Variants in PHACTR4 observed in about 807,000 individuals in gnomAD.
The protein encoded by PHACTR4 is phosphatase and actin regulator 4.
PHACTR4 carries 51 observed loss-of-function variants against 72.7 expected under a neutral mutation model. That is an observed-to-expected ratio of 0.70 (90% confidence interval 0.56 to 0.89). PHACTR4 has a LOEUF of 0.89. PHACTR4 is among the 40% of genes least tolerant of loss of function. PHACTR4 has a pLI of 0.00. For synonymous variants in PHACTR4, 255 were observed against 302.5 expected (o/e 0.84, Z 1.63); for missense variants, 731 against 861.8 (o/e 0.85, Z 1.90).
At chr1:28,461,148 A>T (rs548916734) in intron 4 of PHACTR4, among the ~76,000 whole-genome samples, 1 of 151,916 alleles carries the variant, frequency 6.6e-6, no homozygotes, top group African/African-American at 2.4e-5. Context: ...TGAAAGCCAT[A>T]TTGTATACTG....
chr1:28,422,502 C>A (rs957843471), intron 2 of PHACTR4: 1 of 152,156 alleles, frequency 6.6e-6, no homozygotes, highest in African/African-American at 2.4e-5. Flanking sequence ...ACAAATCCCC[C>A]TTGGATACTG....
intron 2 of PHACTR4, among the ~76,000 whole-genome samples, chr1:28,431,689 C>T (rs1188469131): frequency 1.3e-5 from 2 of 152,160 alleles, no homozygotes; most frequent in African/African-American, 4.8e-5. Flanking sequence ...TCCACATCTT[C>T]TGGATGGAAC....
intron 2 of PHACTR4, among the ~76,000 whole-genome samples, chr1:28,430,943 C>T (rs971514377): frequency 3.3e-5 from 5 of 151,740 alleles, no homozygotes; most frequent in African/African-American, 1.2e-4. Context: ...TTTGGGAGGC[C>T]GAGGCAGGCG....
chr1:28,429,802 G>A (rs1268433384), intron 2 of PHACTR4, among the ~76,000 whole-genome samples: 1 of 152,144 alleles, frequency 6.6e-6, no homozygotes, highest in Non-Finnish European at 1.5e-5. Flanking sequence ...TTTCAGGCTG[G>A]TGTACTTAAT....
At chr1:28,450,974 CTT>C (rs1188704308) in intron 2 of PHACTR4, among the ~76,000 whole-genome samples, 3,992 of 72,060 alleles carry the variant, frequency 0.055, 150 homozygotes, top group African/African-American at 0.21. Flanking sequence ...CCACACCCAG[CTT>C]TTTTTTTTTT....
intron 2 of PHACTR4, among the ~76,000 whole-genome samples, chr1:28,443,406 C>T (rs1442765454): frequency 3.3e-5 from 5 of 151,840 alleles, no homozygotes; most frequent in South Asian, 2.1e-4. Flanking sequence ...CTCAGCCTCC[C>T]GAGTAGCTGG....
chr1:28,438,632 CTTAAA>C (rs1031319105), intron 2 of PHACTR4, among the ~76,000 whole-genome samples: 1 of 152,160 alleles, frequency 6.6e-6, no homozygotes, highest in African/African-American at 2.4e-5. Context: ...AACTTAAAAA[CTTAAA>C]TTCAGTTTAT....
chr1:28,380,424 A>C (rs986126555), intron 1 of PHACTR4, among the ~76,000 whole-genome samples: 2 of 152,120 alleles, frequency 1.3e-5, no homozygotes, highest in African/African-American at 4.8e-5. Flanking sequence ...TGTATCATGG[A>C]GGTTTGTTGT....
intron 2 of PHACTR4, among the ~76,000 whole-genome samples, chr1:28,430,365 A>T (rs1656172979): frequency 6.6e-6 from 1 of 152,168 alleles, no homozygotes. Context: ...TTTGCCAAAT[A>T]TATCTAGGAG....
intron 4 of PHACTR4, among the ~76,000 whole-genome samples, chr1:28,462,617 C>T (rs1299242274): frequency 1.3e-5 from 2 of 151,356 alleles, no homozygotes; most frequent in Admixed American, 1.3e-4. Context: ...CCACCTGCCT[C>T]GGCCTTCCAA....
intron 1 of PHACTR4, among the ~76,000 whole-genome samples, chr1:28,376,420 C>A (rs1651675455): frequency 6.6e-6 from 1 of 151,690 alleles, no homozygotes; most frequent in African/African-American, 2.4e-5. Context: ...GGCTCAAGCA[C>A]TCCTCCCACC....
intron 1 of PHACTR4, among the ~76,000 whole-genome samples, chr1:28,401,212 G>C (rs530707547): frequency 6.6e-5 from 10 of 152,090 alleles, no homozygotes; most frequent in African/African-American, 2.4e-4. Context: ...TATGTTTCAA[G>C]GCTGAAAGCA....
chr1:28,496,538 C>A lies in PHACTR4; in HGVS notation c.2098C>A (p.His700Asn). 1 of 1,613,892 alleles carries A rather than the reference C, an allele frequency of 6.2e-7. No homozygotes were observed. The highest frequency in any genetic ancestry group is 8.5e-7 in the Non-Finnish European group (1 of 1,179,926). The change falls in exon 14 of 14, where the codon CAT becomes AAT. Residue 700 changes from histidine to asparagine, a missense_variant. Coordinates refer to ENST00000373839, the MANE Select transcript of PHACTR4 (RefSeq NM_001048183.3). ...CTCTTTTTTAATCTCTTTTAGCTAC[C>A]ATCGTCCATGATGCCAAAGGTTGAG... ...HEESKHFTRY[H>N]RP
Position 28,452,455 on chromosome 1 carries a change from G to GCT in PHACTR4, c.17-6626_17-6625dup, listed in dbSNP as rs538413089. 7.9e-5 allele frequency among the ~76,000 whole-genome samples: 12 copies of GCT among 152,244 alleles called. 1 individual carries two copies. The South Asian group carries it at 2.1e-3, about 26-fold the overall frequency. On this transcript the variant is annotated intron_variant, in intron 2 of 13. Coordinates refer to ENST00000373839, the MANE Select transcript of PHACTR4 (RefSeq NM_001048183.3). Reference sequence around the variant, plus strand: ...CACCAGGAGTTGGAGGCTGCAGTGAGCTCTCATCTCACCACTGCACTCTAG... The same window carrying GCT: ...CACCAGGAGTTGGAGGCTGCAGTGAGCTCTCTCATCTCACCACTGCACTCTAG...
At chr1:28,483,780 C>CA in intron 9 of PHACTR4, among the ~76,000 whole-genome samples, 1 of 115,224 alleles carries the variant, frequency 8.7e-6, no homozygotes, top group African/African-American at 3.5e-5. Context: ...GCCTGGGTGA[C>CA]AGAGCAAGAC....
At chr1:28,429,972 T>C (rs976728544) in intron 2 of PHACTR4, among the ~76,000 whole-genome samples, 2 of 152,164 alleles carry the variant, frequency 1.3e-5, no homozygotes, top group African/African-American at 4.8e-5. Context: ...TATCCCTTGA[T>C]GCTTGTACCT....
chr1:28,488,892 T>C (rs1250940025), intron 9 of PHACTR4, among the ~76,000 whole-genome samples: 4 of 152,204 alleles, frequency 2.6e-5, no homozygotes, highest in Non-Finnish European at 4.4e-5. Flanking sequence ...AAGGTCTAAC[T>C]GAACTTTTTT....
chr1:28,439,715 CCTT>C (rs772623861), intron 2 of PHACTR4, among the ~76,000 whole-genome samples: 2 of 152,200 alleles, frequency 1.3e-5, no homozygotes, highest in Non-Finnish European at 2.9e-5. Flanking sequence ...CTCACACTAT[CCTT>C]CTCTTCTGCA....
intron 2 of PHACTR4, chr1:28,438,118 C>T (rs528869689): frequency 1.8e-6 from 2 of 1,112,210 alleles, no homozygotes; most frequent in African/African-American, 1.7e-5. Context: ...TGCACTTCAG[C>T]TCTACACAGT....
Sources: gnomAD v4.1 joint callset for allele counts (sites outside exome capture counted in the v4.1 genomes callset) on GRCh38, gnomAD v4.1.1 for gene constraint, MANE v1.5 for transcripts, NCBI Gene and HGNC (gene_info 2026-07-23, HGNC 2026-07-21) for gene names.